CPNE1: variants seen among roughly 807,000 people sequenced by gnomAD.
The protein encoded by CPNE1 is copine 1, also known as copine-1.
CPNE1 carries 58 observed loss-of-function variants against 63.2 expected under a neutral mutation model. That is an observed-to-expected ratio of 0.92 (90% CI 0.74 to 1.14). The LOEUF is 1.14. CPNE1 is among the 50% of genes most tolerant of loss of function. CPNE1 has a pLI of 0.00. For synonymous variants in CPNE1, 237 were observed against 249.0 expected, an observed-to-expected ratio of 0.95 and a Z score of 0.45; for missense variants, 672 against 661.7, an observed-to-expected ratio of 1.02 and a Z score of -0.17.
intron 1 of CPNE1, chr20:35,654,512 T>G (rs1203298336): frequency 6.2e-7 from 1 of 1,614,194 alleles, no homozygotes; most frequent in Non-Finnish European, 8.5e-7. Flanking sequence ...GGATTCAGAT[T>G]ATTGTTCAAA....
At chr20:35,628,123 T>C (rs1401928235) in intron 13 of CPNE1, among the ~76,000 whole-genome samples, 1 of 144,430 alleles carries the variant, frequency 6.9e-6, no homozygotes, top group African/African-American at 2.6e-5. Flanking sequence ...CTACTAAAAA[T>C]ACAAAAAAAA....
intron 1 of CPNE1, chr20:35,658,903 AC>A (rs1192782048): frequency 2.8e-6 from 2 of 711,422 alleles, no homozygotes; most frequent in Admixed American, 4.1e-5. Flanking sequence ...TTGTATAAAA[AC>A]GAACTCTCTA....
In CPNE1 at chr20:35,626,632, T is replaced by C. The variant is rs1473075243; in HGVS notation, c.1408A>G (p.Thr470Ala). 1 of 1,614,106 alleles carries C rather than the reference T, an allele frequency of 6.2e-7. No homozygotes were observed. Among genetic ancestry groups the C allele is most frequent in the Admixed American group, 1.7e-5 (1 of 60,008 alleles). Residue 470 changes from threonine to alanine, a missense_variant, in exon 15 of 16, where the codon ACA becomes GCA. By Grantham distance (58) the Thr-to-Ala change is moderately conservative (BLOSUM62 0). Transcript: ENST00000397443. ...CGGGCAGCAGCCTGCCCAGAACGTG[T>C]ATGCAGGGGTCCACCATCAGCGTCC... ...QLDADGGPLH[T>A]RSGQAAARDI...
intron 13 of CPNE1, 32 bp from the exon 14 acceptor site, chr20:35,627,445 C>A (rs1481828400): frequency 3.1e-6 from 5 of 1,611,150 alleles, no homozygotes; most frequent in African/African-American, 2.7e-5. Context: ...ACCGTAAAAT[C>A]CTGGACCTCT....
chr20:35,652,830 GGGGCCGGGGCCA>G (rs759276536), intron 1 of CPNE1: 13 of 1,604,004 alleles, frequency 8.1e-6, no homozygotes, highest in Non-Finnish European at 1.1e-5. Flanking sequence ...GGCCGGGGCC[GGGGCCGGGGCCA>G]GGCCCAAAAG....
rs2032099542 is a variant in CPNE1 at position 35,631,105 on chromosome 20, G to C, written c.861+9C>G. ...GACCTGTTCTCTTGCCCTTGGTAAA[G>C]TAACTTACAGTGAAGTTGATCTGAC... On this transcript the variant is annotated intron_variant, in intron 10 of 15. Transcript: ENST00000397443. The C allele has an allele frequency of 6.2e-7, 1 of 1,614,068 alleles. No individual in the cohort carries two copies. The highest frequency in any genetic ancestry group is 8.5e-7 in the Non-Finnish European group (1 of 1,180,044).
chr20:35,661,342 T>C (rs769870524), intron 1 of CPNE1, among the ~76,000 whole-genome samples: 1 of 152,252 alleles, frequency 6.6e-6, no homozygotes, highest in Non-Finnish European at 1.5e-5. Flanking sequence ...AGCGACTGAA[T>C]GCAGGATTTC....
Position 35,626,713 on chromosome 20 carries a change from T to C in CPNE1, c.1327A>G (p.Met443Val), listed in dbSNP as rs978255066. The part of the protein sequence containing the change: ...EAVVRASNLP[M>V]SVIIVGVGGA... ...CCCACACCCACAATGATCACTGACA[T>C]GGGCAGGTTCGAGGCACGCACCACA... is the stretch of plus-strand genomic sequence containing the variant. The change falls in exon 15 of 16, where the codon ATG (methionine) becomes GTG (valine). Residue 443 changes from methionine to valine, a missense_variant. Transcript: ENST00000397443. 2.5e-6 allele frequency: 4 copies of C among 1,614,128 alleles called. No homozygotes were observed. The highest frequency in any genetic ancestry group is 1.3e-5 in the African/African-American group (1 of 75,022).
intron 14 of CPNE1, 69 bp from the exon 15 acceptor site, chr20:35,626,872 A>G: frequency 8.3e-7 from 1 of 1,211,148 alleles, no homozygotes; most frequent in Admixed American, 1.7e-5. Context: ...CCCCAGCCAC[A>G]CATCCCCACA....
At chr20:35,634,749 CTTCT>C (rs1367738926) in intron 1 of CPNE1, among the ~76,000 whole-genome samples, 1 of 151,918 alleles carries the variant, frequency 6.6e-6, no homozygotes, top group African/African-American at 2.4e-5. Flanking sequence ...TTGTTTGTTC[CTTCT>C]TTCGTGAGAC....
chr20:35,631,350 T>A lies in CPNE1; in HGVS notation c.719A>T (p.Glu240Val). ...SLAQLQAVPA[E>V]FECIHPEKQQ... ...CTTCTCAGGGTGGATGCATTCAAAC[T>A]CAGCCTGGTGAGGACAGAAAAATTA... Residue 240 changes from glutamate to valine, a missense_variant, in exon 9 of 16, where the codon GAG becomes GTG. By Grantham distance (121) the Glu-to-Val change is moderately radical. Transcript: ENST00000397443. The A allele has an allele frequency of 6.2e-7, 1 of 1,614,084 alleles. No homozygotes were observed. Among genetic ancestry groups the A allele is most frequent in the East Asian group, 2.2e-5 (1 of 44,880 alleles).
chr20:35,640,668 A>G, intron 1 of CPNE1, among the ~76,000 whole-genome samples: 1 of 152,114 alleles, frequency 6.6e-6, no homozygotes, highest in East Asian at 1.9e-4. Context: ...CTTATTATGT[A>G]TTTCTCCTCT....
At chr20:35,637,710 A>AT (rs1486437699) in intron 1 of CPNE1, among the ~76,000 whole-genome samples, 1 of 152,106 alleles carries the variant, frequency 6.6e-6, no homozygotes, top group Non-Finnish European at 1.5e-5. Context: ...TGATCATGTC[A>AT]TTTTTCCACT....
intron 1 of CPNE1, among the ~76,000 whole-genome samples, chr20:35,636,296 A>C (rs1388044563): frequency 6.6e-6 from 1 of 152,218 alleles, no homozygotes; most frequent in Non-Finnish European, 1.5e-5. Context: ...TCTGAACTCC[A>C]TGCATGTCAC....
At chr20:35,648,217 A>G (rs1197754331) in intron 1 of CPNE1, among the ~76,000 whole-genome samples, 1 of 152,230 alleles carries the variant, frequency 6.6e-6, no homozygotes, top group Non-Finnish European at 1.5e-5. Context: ...ACAAGTCAAA[A>G]TGATCAGATT....
In CPNE1 at chr20:35,626,445, C is replaced by G. The variant is rs879052076; in HGVS notation, c.1474-64G>C. ...AGCTGCCCAAAGTCTGTATTTCATG[C>G]TCAAGAACCCAACCATATCCCAGGC... On this transcript the variant is annotated intron_variant, in intron 15 of 15. Transcript: ENST00000397443. 4 of 1,603,776 alleles carry G rather than the reference C, an allele frequency of 2.5e-6. No individual in the cohort carries two copies. The South Asian group carries it at 4.4e-5, about 18-fold the overall frequency.
intron 1 of CPNE1, chr20:35,658,989 G>C (rs1438074700): frequency 1.4e-6 from 1 of 716,994 alleles, no homozygotes. Context: ...AATCCTGTGG[G>C]CAACCAATTA....
At chr20:35,636,562 C>A in intron 1 of CPNE1, among the ~76,000 whole-genome samples, 1 of 152,234 alleles carries the variant, frequency 6.6e-6, no homozygotes, top group South Asian at 2.1e-4. Flanking sequence ...CGTTTTGGGA[C>A]GCCGAGGCAG....
At chr20:35,632,261 A>G (rs1401478598) in intron 4 of CPNE1, 27 bp from the exon 5 acceptor site, 2 of 1,612,564 alleles carry the variant, frequency 1.2e-6, no homozygotes, top group African/African-American at 2.7e-5. Context: ...ACATCACCTC[A>G]TGAATTCATT....
Sources: gnomAD v4.1 joint callset for allele counts (sites outside exome capture counted in the v4.1 genomes callset) on GRCh38, gnomAD v4.1.1 for gene constraint, MANE v1.5 for transcripts, NCBI Gene and HGNC (gene_info 2026-07-23, HGNC 2026-07-21) for gene names.